Variants in TSPAN4 observed in about 807,000 individuals in gnomAD.
TSPAN4 encodes tetraspanin 4.
TSPAN4 carries 38 observed loss-of-function variants against 31.5 expected under a neutral mutation model. The observed-to-expected ratio is 1.21, with a 90% CI of 0.93 to 1.58. TSPAN4 has a LOEUF of 1.58. TSPAN4 is among the 40% of genes most tolerant of loss of function. TSPAN4 has a pLI of 0.00. For synonymous variants in TSPAN4, 186 were observed against 144.6 expected, an observed-to-expected ratio of 1.29 and a Z score of -2.06; for missense variants, 330 against 317.3, an observed-to-expected ratio of 1.04 and a Z score of -0.30.
Position 848,470 on chromosome 11 carries a change from C to A in TSPAN4, c.-18+1170C>A, listed in dbSNP as rs960648834. ...GCTTGGGCTGCAGTTCTCTACAGAG[C>A]CCTTGGGGGGCAGCAGAGGCTTGGG... On this transcript the variant is annotated intron_variant, in intron 2 of 8. Transcript: ENST00000397397. This position sits in a 1 kb window ranked among gnomAD's most constrained non-coding sequence, Gnocchi z 5.7. Among the ~76,000 whole-genome samples, 2 of 151,966 alleles carry A rather than the reference C, an allele frequency of 1.3e-5. No homozygotes were observed. The highest frequency in any genetic ancestry group is 4.8e-5 in the African/African-American group (2 of 41,362).
rs1402889107 is a variant in TSPAN4, at chr11:866,555, C to T, written c.649-7C>T. The T allele has an allele frequency of 6.2e-7, 1 of 1,612,898 alleles. No individual in the cohort carries two copies. The highest frequency in any genetic ancestry group is 2.2e-5 in the East Asian group (1 of 44,846). On this transcript the variant is annotated splice_region_variant and splice_polypyrimidine_tract_variant and intron_variant, in intron 8 of 8. Transcript: ENST00000397397. Reference sequence around the variant, plus strand: ...TGCCATGCCCAGTCCTCCTCCCCTACCTACAGATCCTGGGCCTGACCTTCG... The same window carrying T: ...TGCCATGCCCAGTCCTCCTCCCCTATCTACAGATCCTGGGCCTGACCTTCG...
chr11:862,630 CCCGTCCCTGTCGGCTG>C lies in TSPAN4; in HGVS notation c.147_162del (p.Ser50ThrfsTer65). ...GCTTCGCCACGCTGTCCTCTTCCTT[CCCGTCCCTGTCGGCTG>C]CCAACTTGCTCATCATCACCGGCGC... On this transcript the variant is annotated frameshift_variant, in exon 4 of 9. Transcript: ENST00000397397. LOFTEE classifies it high-confidence loss of function. The C allele has an allele frequency of 6.2e-7, 1 of 1,613,406 alleles. No homozygotes were observed. Among genetic ancestry groups the C allele is most frequent in the Non-Finnish European group, 8.5e-7 (1 of 1,179,904 alleles).
chr11:866,042 T>C (rs1848783583), intron 8 of TSPAN4, 41 bp downstream of exon 8: 10 of 1,602,284 alleles, frequency 6.2e-6, no homozygotes, highest in Non-Finnish European at 7.7e-6. Context: ...CCCCACTTTG[T>C]TAGGACCTTC....
chr11:853,822 G>A (rs1249273238), intron 3 of TSPAN4, among the ~76,000 whole-genome samples: 2 of 152,234 alleles, frequency 1.3e-5, no homozygotes, highest in Non-Finnish European at 2.9e-5. Context: ...TCCCTGCAGA[G>A]GTTGGGGAGT....
chr11:866,795 G>A lies in TSPAN4; in HGVS notation c.*165G>A. ...GGAACCCTGTTTCTGGAAGGCCCTA[G>A]CTCAGGTGGCTTCAGGGCCTCCGGA... On this transcript the variant is annotated 3_prime_UTR_variant, in exon 9 of 9. Coordinates refer to ENST00000397397, the MANE Select transcript of TSPAN4 (RefSeq NM_003271.5). 1 of 712,070 alleles carries A rather than the reference G, an allele frequency of 1.4e-6. No individual in the cohort carries two copies. The highest frequency in any genetic ancestry group is 2.2e-6 in the Non-Finnish European group (1 of 451,646). The allele number at this position is 712,070 out of a possible 1,614,324, so 44.1% of individuals were successfully genotyped here.
chr11:866,070 G>C (rs1848790084), intron 8 of TSPAN4, 69 bp downstream of exon 8: 1 of 1,545,806 alleles, frequency 6.5e-7, no homozygotes. Context: ...AGGGAACAAA[G>C]TAGCAAAGAC....
intron 3 of TSPAN4, among the ~76,000 whole-genome samples, chr11:854,409 T>C (rs1197935371): frequency 7.9e-5 from 12 of 152,036 alleles, no homozygotes; most frequent in Non-Finnish European, 1.5e-4. Context: ...ATCTGCACCA[T>C]GTGGGGCGGT....
chr11:855,428 TCTC>T (rs1847993142), intron 3 of TSPAN4, among the ~76,000 whole-genome samples: 2 of 152,154 alleles, frequency 1.3e-5, no homozygotes, highest in Non-Finnish European at 2.9e-5. Context: ...TGGGTCACAG[TCTC>T]CTCCTGGATT....
chr11:862,485 C>T (rs1848511009), intron 3 of TSPAN4, 65 bp from the exon 4 acceptor site: 1 of 1,431,998 alleles, frequency 7.0e-7, no homozygotes, highest in Non-Finnish European at 9.4e-7. Context: ...CGGGCTCTGC[C>T]CTGGGGTCCA....
In TSPAN4 at chr11:852,996, C is replaced by T. The variant is rs575162253; in HGVS notation, c.63+2629C>T. On this transcript the variant is annotated intron_variant, in intron 3 of 8. Transcript: ENST00000397397. ...CAGAGCCGTGGGCAGTGGTGGGAGC[C>T]GGGGTGGGGTGAGGAAAGTTGTGTG... Among the ~76,000 whole-genome samples, 185 of 151,852 alleles carry T rather than the reference C, an allele frequency of 1.2e-3. 1 individual carries two copies. The highest frequency in any genetic ancestry group is 3.2e-3 in the African/African-American group (131 of 41,350).
intron 3 of TSPAN4, 136 bp downstream of exon 3, chr11:850,503 C>T (rs1847616797): frequency 1.4e-6 from 1 of 726,622 alleles, no homozygotes; most frequent in Admixed American, 2.6e-5. Flanking sequence ...CCGGGAGGAC[C>T]CAAGACCGCT....
At chr11:864,734 C>G (rs1848667915) in intron 5 of TSPAN4, 4 of 609,130 alleles carry the variant, frequency 6.6e-6, no homozygotes, top group Non-Finnish European at 1.2e-5. Flanking sequence ...CACTGCTACC[C>G]CACCCGGAGG....
intron 1 of TSPAN4, among the ~76,000 whole-genome samples, chr11:846,953 C>T (rs1250960070): frequency 6.6e-6 from 1 of 152,208 alleles, no homozygotes; most frequent in Admixed American, 6.5e-5. Context: ...GCCTGGCTGT[C>T]TCAGAGCCCT....
rs546781448 is a variant in TSPAN4 at position 861,038 on chromosome 11, G to A, written c.64-1512G>A. On this transcript the variant is annotated intron_variant, in intron 3 of 8. Transcript: ENST00000397397. ...CATATCTCCCGTCTCATCCTGAAAC[G>A]GCCCAAGCCCGAGGCCTCTGTCTGA... 6.6e-5 allele frequency among the ~76,000 whole-genome samples: 10 copies of A among 152,244 alleles called. No homozygotes were observed. The South Asian group carries it at 8.3e-4, about 13-fold the overall frequency.
rs537353198 is a variant in TSPAN4 at position 850,870 on chromosome 11, TGCCGCCAAGGTCCCCCAGTCGCCGG to T, written c.63+505_63+529del. On this transcript the variant is annotated intron_variant, in intron 3 of 8. Coordinates refer to ENST00000397397, the MANE Select transcript of TSPAN4 (RefSeq NM_003271.5). ...CTCACTTCCGAGGGTTTGAGCCGGC[TGCCGCCAAGGTCCCCCAGTCGCCGG>T]GAGGCGCTGCGGAAGGGAATCCTGG... Among the ~76,000 whole-genome samples, 1,479 of 152,348 alleles carry T rather than the reference TGCCGCCAAGGTCCCCCAGTCGCCGG, an allele frequency of 9.7e-3. 28 individuals are homozygous for T. The highest frequency in any genetic ancestry group is 0.033 in the African/African-American group (1,373 of 41,574).
intron 3 of TSPAN4, among the ~76,000 whole-genome samples, chr11:852,480 C>T (rs1847809395): frequency 6.6e-6 from 1 of 152,240 alleles, no homozygotes; most frequent in Non-Finnish European, 1.5e-5. Flanking sequence ...CTTCATACAC[C>T]AGCCTTGGCC....
intron 3 of TSPAN4, among the ~76,000 whole-genome samples, chr11:856,559 C>T (rs28484939): frequency 3.3e-5 from 5 of 152,240 alleles, no homozygotes; most frequent in African/African-American, 9.6e-5. Context: ...TGGCCTGCGG[C>T]GGGGCAGCAG....
At chr11:852,704 C>T (rs888417318) in intron 3 of TSPAN4, among the ~76,000 whole-genome samples, 48 of 152,244 alleles carry the variant, frequency 3.2e-4, no homozygotes, top group African/African-American at 1.1e-3. Context: ...GGCTCCTTTC[C>T]TTTTGGGGGT....
At chr11:849,312 A>G (rs1011889160) in intron 2 of TSPAN4, among the ~76,000 whole-genome samples, 16 of 152,220 alleles carry the variant, frequency 1.1e-4, no homozygotes, top group African/African-American at 3.6e-4. Context: ...TGCTCCATGC[A>G]GTGCAGGCTG....
Sources: gnomAD v4.1 joint callset for allele counts (sites outside exome capture counted in the v4.1 genomes callset) on GRCh38, gnomAD v4.1.1 for gene constraint, Gnocchi (gnomAD v3.1) non-coding constraint, MANE v1.5 for transcripts, NCBI Gene and HGNC (gene_info 2026-07-23, HGNC 2026-07-21) for gene names.